The following GRM4 variants were observed in gnomAD, a reference collection of about 807,000 sequenced individuals.
GRM4 encodes the protein glutamate metabotropic receptor 4, also known as metabotropic glutamate receptor 4.
In GRM4, 28 loss-of-function variants were observed where a neutral mutation model predicts 81.7. The observed-to-expected ratio is 0.34, with a 90% CI of 0.25 to 0.47. The LOEUF (loss-of-function observed/expected upper bound fraction) is 0.47. Ranked by LOEUF, GRM4 falls within the 20% of genes least tolerant of loss-of-function variation. The pLI, the probability that GRM4 is intolerant of heterozygous loss-of-function variation, is 1.00. For synonymous variants in GRM4, 488 were observed against 528.8 expected (o/e 0.92, Z 1.06); for missense variants, 948 against 1,290.0 (o/e 0.73, Z 4.06).
intron 3 of GRM4, among the ~76,000 whole-genome samples, chr6:34,077,405 T>C (rs959984461): frequency 2.4e-4 from 37 of 152,064 alleles, no homozygotes; most frequent in Non-Finnish European, 1.6e-4. Flanking sequence ...CCTCAGGCCC[T>C]AATTCACGGC....
intron 1 of GRM4, among the ~76,000 whole-genome samples, chr6:34,137,458 C>T (rs1376215852): frequency 6.6e-6 from 1 of 152,254 alleles, no homozygotes; most frequent in Non-Finnish European, 1.5e-5. Context: ...TACCCCTTTC[C>T]CCAACCAACA....
intron 2 of GRM4, among the ~76,000 whole-genome samples, chr6:34,129,293 G>A (rs908748309): frequency 6.6e-5 from 10 of 152,218 alleles, no homozygotes; most frequent in Non-Finnish European, 1.2e-4. Context: ...GGGATTACAG[G>A]TGTGAGCCAC....
chr6:34,057,665 G>C (rs375353863), intron 5 of GRM4, among the ~76,000 whole-genome samples: 4 of 152,346 alleles, frequency 2.6e-5, no homozygotes, highest in African/African-American at 9.6e-5. Flanking sequence ...ATCGCCCCCA[G>C]ATAAGGACCA....
intron 3 of GRM4, among the ~76,000 whole-genome samples, chr6:34,081,898 G>A (rs1767617540): frequency 6.6e-6 from 1 of 152,202 alleles, no homozygotes; most frequent in African/African-American, 2.4e-5. Flanking sequence ...AGAAGTCCAG[G>A]GTCAGCAAAC....
chr6:34,152,701 C>A lies in GRM4; in HGVS notation c.312+2378G>T, dbSNP rs189938173. 1.3e-5 allele frequency among the ~76,000 whole-genome samples: 2 copies of A among 152,190 alleles called. No homozygotes were observed. The highest frequency in any genetic ancestry group is 2.4e-5 in the African/African-American group (1 of 41,440). ...TAATGGCGTTTGATTGGATCCGATG[C>A]GCTTTTAATTCCCTCCTGGGACATC... is the stretch of plus-strand genomic sequence containing the variant. On this transcript the variant is annotated intron_variant, in intron 1 of 8. Coordinates refer to the GRM4 transcript ENST00000374177. This position sits in a 1 kb window ranked among gnomAD's most constrained non-coding sequence, Gnocchi z 4.1.
chr6:34,094,697 C>A (rs1768415886), intron 2 of GRM4, among the ~76,000 whole-genome samples: 1 of 152,154 alleles, frequency 6.6e-6, no homozygotes, highest in Admixed American at 6.5e-5. Flanking sequence ...TGGGCCCTAG[C>A]CAGGAGCGAT....
At chr6:34,055,272 T>G (rs148389047) in intron 6 of GRM4, 1 of 152,298 alleles carries the variant, frequency 6.6e-6, no homozygotes, top group African/African-American at 2.4e-5. Flanking sequence ...CTCACACACA[T>G]GCAAAGTCAT....
intron 3 of GRM4, among the ~76,000 whole-genome samples, chr6:34,071,967 CCACA>C (rs1581652571): frequency 1.2e-5 from 1 of 84,932 alleles, no homozygotes; most frequent in African/African-American, 3.9e-5. Context: ...CAGATACACA[CCACA>C]CACACACTCC....
Position 34,056,598 on chromosome 6 carries a change from A to G in GRM4, c.1114T>C (p.Cys372Arg). The G allele has an allele frequency of 6.2e-7, 1 of 1,613,486 alleles. No individual in the cohort carries two copies. The highest frequency in any genetic ancestry group is 8.5e-7 in the Non-Finnish European group (1 of 1,179,934). The change falls in exon 6 of 11, where the codon TGC becomes CGC. Residue 372 changes from cysteine (C) to arginine (R), a missense_variant. Cys to Arg is a radical substitution (Grantham distance 180). Coordinates refer to ENST00000538487, the MANE Select transcript of GRM4 (RefSeq NM_000841.4). ...TTGAGGGCGTGGCGGCTCAGCTTGC[A>G]GTGGAAGTTGTCCTCCCAGAACTCG... ...FAEFWEDNFH[C>R]KLSRHALKKG...
chr6:34,108,822 CG>C (rs1316505953), intron 2 of GRM4, among the ~76,000 whole-genome samples: 1 of 152,084 alleles, frequency 6.6e-6, no homozygotes, highest in Non-Finnish European at 1.5e-5. Flanking sequence ...CCCCTGCTCA[CG>C]AAGGCACTGG....
In GRM4 at chr6:34,036,100, C is replaced by T; in HGVS notation, c.2010G>A (p.Leu670=). The T allele has an allele frequency of 3.1e-6, 5 of 1,614,194 alleles. No individual in the cohort carries two copies. Among genetic ancestry groups the T allele is most frequent in the Non-Finnish European group, 4.2e-6 (5 of 1,180,038 alleles). Residue 670 remains leucine (L), a synonymous_variant, in exon 9 of 11, where the codon CTG becomes CTA. Transcript: ENST00000538487. The surrounding 1 kb of genome is among the most constrained non-coding windows in gnomAD (Gnocchi z 9.0). ...GLGMSISYAA[L]LTKTNRIYRI... ...GGTAGATGCGGTTGGTCTTGGTGAGCAGGGCTGCATAGCTGATGCTCATCC... is the reference window on the plus strand; with the variant it reads ...GGTAGATGCGGTTGGTCTTGGTGAGTAGGGCTGCATAGCTGATGCTCATCC...
intron 2 of GRM4, among the ~76,000 whole-genome samples, chr6:34,132,685 T>C (rs780130868): frequency 1.8e-4 from 28 of 151,894 alleles, no homozygotes; most frequent in Non-Finnish European, 3.4e-4. Context: ...AGGAGTGGAG[T>C]TGCTCACCGA....
intron 3 of GRM4, among the ~76,000 whole-genome samples, chr6:34,073,241 CA>C: frequency 1.4e-5 from 2 of 147,580 alleles, no homozygotes; most frequent in African/African-American, 2.5e-5. Flanking sequence ...ATACATGCCA[CA>C]CACACACATC....
rs367922057 is a variant in GRM4, at chr6:34,132,149, AG to A, written c.519+828del. ...ATTGCAAATCAGCAGCTCTTGCCCC[AG>A]GAAGAGAGGAAAGGAGGCGGCAAGG... On this transcript the variant is annotated intron_variant, in intron 2 of 10. Coordinates refer to ENST00000538487, the MANE Select transcript of GRM4 (RefSeq NM_000841.4). Among the ~76,000 whole-genome samples, 157 of 152,300 alleles carry A rather than the reference AG, an allele frequency of 1.0e-3. 1 individual carries two copies. Among genetic ancestry groups the A allele is most frequent in the East Asian group, 9.6e-3 (50 of 5,188 alleles).
At chr6:34,122,622 G>A (rs546037650) in intron 2 of GRM4, among the ~76,000 whole-genome samples, 1 of 145,812 alleles carries the variant, frequency 6.9e-6, no homozygotes, top group Non-Finnish European at 1.5e-5. Context: ...GGCGGGGGGT[G>A]GGGGGGGCAG....
chr6:34,075,986 T>G (rs1382975096), intron 3 of GRM4, among the ~76,000 whole-genome samples: 1 of 152,150 alleles, frequency 6.6e-6, no homozygotes, highest in African/African-American at 2.4e-5. Flanking sequence ...AGAGACCCTG[T>G]GTTGGGGCAG....
chr6:34,151,552 T>A (rs2127521584), intron 1 of GRM4, among the ~76,000 whole-genome samples: 1 of 152,130 alleles, frequency 6.6e-6, no homozygotes, highest in South Asian at 2.1e-4. Flanking sequence ...TTCGGCAGAG[T>A]GGCAGGGCTC....
intron 2 of GRM4, among the ~76,000 whole-genome samples, chr6:34,109,091 G>A (rs1402678078): frequency 2.6e-5 from 4 of 152,198 alleles, no homozygotes; most frequent in Admixed American, 6.5e-5. Flanking sequence ...GCTGACTGAA[G>A]CCTAGGCCCA....
intron 2 of GRM4, among the ~76,000 whole-genome samples, chr6:34,125,438 T>C (rs561654729): frequency 3.3e-5 from 5 of 152,150 alleles, no homozygotes; most frequent in Non-Finnish European, 7.4e-5. Flanking sequence ...TCTGGGTCAG[T>C]GGCCAGCTGA....
Sources: gnomAD v4.1 joint callset for allele counts (sites outside exome capture counted in the v4.1 genomes callset) on GRCh38, gnomAD v4.1.1 for gene constraint, Gnocchi (gnomAD v3.1) non-coding constraint, MANE v1.5 for transcripts, NCBI Gene and HGNC (gene_info 2026-07-23, HGNC 2026-07-21) for gene names.